IGF2BP1: variants seen among roughly 807,000 people sequenced by gnomAD.
IGF2BP1 encodes the protein insulin-like growth factor 2 mRNA-binding protein 1.
In IGF2BP1, 11 loss-of-function variants were observed where a neutral mutation model predicts 74.9. The ratio of observed to expected loss-of-function variants is 0.15; its 90% CI spans 0.09 to 0.24. The LOEUF (loss-of-function observed/expected upper bound fraction) is 0.24. Among genes scored for constraint, IGF2BP1 ranks in the 10% least tolerant of loss-of-function variants. IGF2BP1 has a pLI of 1.00. For synonymous variants in IGF2BP1, 287 were observed against 281.8 expected, an observed-to-expected ratio of 1.02 and a Z score of -0.18; for missense variants, 440 against 757.4, an observed-to-expected ratio of 0.58 and a Z score of 4.92.
chr17:49,050,503 G>GGC lies in IGF2BP1; in HGVS notation c.*1060_*1061dup, dbSNP rs2042155281. The GGC allele has an allele frequency of 6.6e-6, 1 of 152,194 alleles. No individual in the cohort carries two copies. The highest frequency in any genetic ancestry group is 1.9e-4 in the East Asian group (1 of 5,188). 9.4% of individuals were successfully genotyped at this position (152,194 alleles called of 1,614,324 possible). A position where few individuals can be genotyped will look rare whatever the true frequency, so the allele number is the denominator to read the frequency against. On this transcript the variant is annotated 3_prime_UTR_variant, in exon 15 of 15. Transcript: ENST00000290341. ...GCTCCCATAAGGGCTGGTTCCTAGA[G>GGC]GCAGGGGTTGTGGGGCACTCCCAGC... is the stretch of plus-strand genomic sequence containing the variant.
chr17:49,025,555 C>G, intron 2 of IGF2BP1, 63 bp from the exon 3 acceptor site: 4 of 1,396,796 alleles, frequency 2.9e-6, no homozygotes, highest in African/African-American at 1.4e-5. Flanking sequence ...TTAGAAACTG[C>G]GAGTTCACAG....
chr17:49,011,701 AC>A (rs1464982400), intron 2 of IGF2BP1, among the ~76,000 whole-genome samples: 2 of 151,754 alleles, frequency 1.3e-5, no homozygotes, highest in African/African-American at 2.4e-5. Context: ...AAAAAAAAAA[AC>A]GTTGGGAACA....
chr17:49,020,151 A>G (rs2041774787), intron 2 of IGF2BP1, among the ~76,000 whole-genome samples: 1 of 151,464 alleles, frequency 6.6e-6, no homozygotes, highest in Non-Finnish European at 1.5e-5. Context: ...CTTGGGTTCA[A>G]GCAATTCTCA....
chr17:49,008,735 A>T (rs1377343905), intron 2 of IGF2BP1, among the ~76,000 whole-genome samples: 1 of 152,212 alleles, frequency 6.6e-6, no homozygotes, highest in Non-Finnish European at 1.5e-5. Flanking sequence ...TCCTTGCCTC[A>T]GTCACTGGCT....
chr17:48,997,362 C>CT (rs754623540), upstream of IGF2BP1: 11,033 of 109,164 alleles, frequency 0.1, 990 homozygotes, highest in East Asian at 0.37. This position sits in a 1 kb window ranked among gnomAD's most constrained non-coding sequence, Gnocchi z 4.8. Context: ...GTGGCTTCTC[C>CT]TTTTTTTTTT....
chr17:49,034,565 C>T lies in IGF2BP1; in HGVS notation c.401+2592C>T, dbSNP rs1022750078. 8.3e-4 allele frequency among the ~76,000 whole-genome samples: 125 copies of T among 151,508 alleles called. 1 individual carries two copies. Among genetic ancestry groups the T allele is most frequent in the Non-Finnish European group, 3.1e-4 (21 of 67,896 alleles). On this transcript the variant is annotated intron_variant, in intron 5 of 14. Transcript: ENST00000290341. ...GACCAGCCTGGGCAACATGGCAAAA[C>T]CCCATCTCTATAAAAATTACAAAAT... is the stretch of plus-strand genomic sequence containing the variant.
chr17:49,055,687 C>T lies in IGF2BP1; in HGVS notation c.*6243C>T, dbSNP rs1006496661. 6 of 398,426 alleles carry T rather than the reference C, an allele frequency of 1.5e-5. No individual in the cohort carries two copies. Among genetic ancestry groups the T allele is most frequent in the African/African-American group, 1.2e-4 (6 of 48,592 alleles). The allele number at this position is 398,426 out of a possible 1,614,324, so 24.7% of individuals were successfully genotyped here. A position where few individuals can be genotyped will look rare whatever the true frequency, so the allele number is the denominator to read the frequency against. On this transcript the variant is annotated 3_prime_UTR_variant, in exon 15 of 15. Coordinates refer to ENST00000290341, the MANE Select transcript of IGF2BP1 (RefSeq NM_006546.4). ...TTTTCTCCAGGATCTTGATCCTGGT[C>T]CCCAAAACCAGAGTGAATCAAAAGA...
chr17:49,033,341 T>C (rs1013949749), intron 5 of IGF2BP1, among the ~76,000 whole-genome samples: 2 of 150,314 alleles, frequency 1.3e-5, no homozygotes, highest in Admixed American at 6.6e-5. Flanking sequence ...AATCTTTTAA[T>C]TTTTATTTTA....
intron 2 of IGF2BP1, among the ~76,000 whole-genome samples, chr17:49,011,436 T>C (rs776465867): frequency 6.6e-6 from 1 of 152,184 alleles, no homozygotes; most frequent in Non-Finnish European, 1.5e-5. Context: ...TTCACCGAAT[T>C]TCCCAAAGAA....
chr17:48,997,724 G>A lies in IGF2BP1; in HGVS notation c.-22G>A, dbSNP rs759561846. ...CTCGTTCGGCCTTGCCCGGGACCGC[G>A]TCCTGCCCCGAGACCGCCACCATGA... On this transcript the variant is annotated 5_prime_UTR_variant, in exon 1 of 15. Transcript: ENST00000290341. This position sits in a 1 kb window ranked among gnomAD's most constrained non-coding sequence, Gnocchi z 4.8. The A allele has an allele frequency of 3.1e-6, 5 of 1,608,966 alleles. No homozygotes were observed. The Admixed American group carries it at 8.4e-5, about 27-fold the overall frequency.
intron 2 of IGF2BP1, among the ~76,000 whole-genome samples, chr17:49,006,667 C>CTG (rs972249687): frequency 2.0e-5 from 3 of 152,130 alleles, no homozygotes; most frequent in East Asian, 3.8e-4. Context: ...TGTCTTTGAA[C>CTG]TGTGTGTGTG....
At chr17:49,009,001 T>A (rs537264418) in intron 2 of IGF2BP1, among the ~76,000 whole-genome samples, 1 of 152,166 alleles carries the variant, frequency 6.6e-6, no homozygotes, top group South Asian at 2.1e-4. Flanking sequence ...GATCTTACAG[T>A]GCAGATGGAA....
Position 49,046,010 on chromosome 17 carries a change from G to A in IGF2BP1, c.1516G>A (p.Gly506Ser). The change falls in exon 13 of 15, where the codon GGT becomes AGT. Residue 506 changes from glycine to serine, a missense_variant. Coordinates refer to ENST00000290341, the MANE Select transcript of IGF2BP1 (RefSeq NM_006546.4). ...AGCAGCTGGCCGGGTCATTGGCAAA[G>A]GTGGAAAAACGGTGAGCTGTGAGGG... ...ASAAGRVIGK[G>S]GKTVNELQNL... 1 of 1,614,054 alleles carries A rather than the reference G, an allele frequency of 6.2e-7. No homozygotes were observed. The highest frequency in any genetic ancestry group is 8.5e-7 in the Non-Finnish European group (1 of 1,180,006).
intron 14 of IGF2BP1, among the ~76,000 whole-genome samples, chr17:49,048,859 T>A (rs1427643243): frequency 6.6e-6 from 1 of 152,114 alleles, no homozygotes; most frequent in Non-Finnish European, 1.5e-5. Flanking sequence ...ATCTACTGCA[T>A]GCTGATTTGA....
chr17:49,043,567 A>G lies in IGF2BP1; in HGVS notation c.1200+17A>G, dbSNP rs750656941. ...TCCTTTATGGTAGGTGGAAGATCTTATTACACGGGATCCCTGGGCCCATAT... is the reference window on the plus strand; with the variant it reads ...TCCTTTATGGTAGGTGGAAGATCTTGTTACACGGGATCCCTGGGCCCATAT... On this transcript the variant is annotated intron_variant, in intron 10 of 14. Transcript: ENST00000290341. The G allele has an allele frequency of 1.2e-6, 2 of 1,612,844 alleles. No individual in the cohort carries two copies. The highest frequency in any genetic ancestry group is 1.7e-6 in the Non-Finnish European group (2 of 1,179,088).
chr17:49,034,751 A>AAC (rs1567822921), intron 5 of IGF2BP1, among the ~76,000 whole-genome samples: 17 of 120,966 alleles, frequency 1.4e-4, no homozygotes, highest in African/African-American at 6.3e-4. Flanking sequence ...AAAACACAAA[A>AAC]AAAACAAAAA....
intron 7 of IGF2BP1, among the ~76,000 whole-genome samples, chr17:49,040,899 G>A (rs1396632291): frequency 6.6e-6 from 1 of 152,200 alleles, no homozygotes; most frequent in Non-Finnish European, 1.5e-5. Flanking sequence ...TTACACACTT[G>A]TGCTGTTTAA....
chr17:48,998,464 G>T (rs2041437213), intron 1 of IGF2BP1, among the ~76,000 whole-genome samples: 1 of 151,640 alleles, frequency 6.6e-6, no homozygotes, highest in Non-Finnish European at 1.5e-5. Flanking sequence ...AGGGCCTGGG[G>T]CTTGAGCCAT....
At chr17:49,025,718 G>A (rs754738685) in intron 3 of IGF2BP1, 52 bp downstream of exon 3, 4 of 1,547,190 alleles carry the variant, frequency 2.6e-6, no homozygotes, top group South Asian at 1.1e-5. Flanking sequence ...AGCCTGGAAA[G>A]TACGTCTGGA....
Sources: gnomAD v4.1 joint callset for allele counts (sites outside exome capture counted in the v4.1 genomes callset) on GRCh38, gnomAD v4.1.1 for gene constraint, Gnocchi (gnomAD v3.1) non-coding constraint, MANE v1.5 for transcripts, NCBI Gene and HGNC (gene_info 2026-07-23, HGNC 2026-07-21) for gene names.